SPATA33: variants seen among roughly 807,000 people sequenced by gnomAD.
SPATA33 encodes spermatogenesis-associated protein 33.
A neutral mutation model predicts 8.9 loss-of-function variants in SPATA33; 10 were observed. That is an observed-to-expected ratio of 1.12 (90% CI 0.69 to 1.90). The LOEUF is 1.90. SPATA33 is among the 40% of genes most tolerant of loss of function. The pLI is 0.00. For synonymous variants in SPATA33, 96 were observed against 72.8 expected, an observed-to-expected ratio of 1.32 and a Z score of -1.63; for missense variants, 241 against 178.3, an observed-to-expected ratio of 1.35 and a Z score of -2.00.
chr16:89,658,153 C>T, intron 1 of SPATA33, 95 bp from the exon 2 acceptor site: 1 of 1,568,702 alleles, frequency 6.4e-7, no homozygotes, highest in East Asian at 2.2e-5. Context: ...TTGAAGCCAG[C>T]TTATTCTGGA....
chr16:89,668,773 C>T (rs981267716), intron 2 of SPATA33, among the ~76,000 whole-genome samples: 8 of 152,250 alleles, frequency 5.3e-5, no homozygotes, highest in Non-Finnish European at 8.8e-5. Flanking sequence ...TTGTACGTGG[C>T]AACGCTCGGC....
At chr16:89,660,357 A>G in intron 2 of SPATA33, 1 of 655,624 alleles carries the variant, frequency 1.5e-6, no homozygotes, top group East Asian at 3.4e-5. Context: ...GAAGCATGGG[A>G]GTGGGCAGGA....
At chr16:89,665,812 G>A (rs1048448155) in intron 2 of SPATA33, among the ~76,000 whole-genome samples, 5 of 152,188 alleles carry the variant, frequency 3.3e-5, no homozygotes, top group South Asian at 4.2e-4. Context: ...CAAGTGTAGT[G>A]ATTCACGCCT....
chr16:89,669,252 C>A, intron 2 of SPATA33, 34 bp from the exon 3 acceptor site: 1 of 1,598,974 alleles, frequency 6.3e-7, no homozygotes, highest in Non-Finnish European at 8.6e-7. Context: ...GCTTTCCACA[C>A]ATCTACTAAA....
chr16:89,660,616 CTGAG>C (rs2151526307), intron 2 of SPATA33: 2 of 1,138,640 alleles, frequency 1.8e-6, no homozygotes, highest in African/African-American at 1.6e-5. Flanking sequence ...AGGTGGGACA[CTGAG>C]TGAGACAAGC....
At chr16:89,659,596 C>T (rs1268454559) in intron 2 of SPATA33, 1 of 152,212 alleles carries the variant, frequency 6.6e-6, no homozygotes, top group Non-Finnish European at 1.5e-5. Context: ...ATTGCTCGAA[C>T]CTTGAACCGG....
intron 2 of SPATA33, chr16:89,658,643 A>G (rs1730239490): frequency 1.6e-6 from 1 of 626,162 alleles, no homozygotes; most frequent in Non-Finnish European, 2.7e-6. Context: ...TTCCCGAGTG[A>G]TAAGTGCGTA....
chr16:89,658,210 G>A, intron 1 of SPATA33, 38 bp from the exon 2 acceptor site: 6 of 1,611,208 alleles, frequency 3.7e-6, no homozygotes, highest in Middle Eastern at 1.7e-4. Flanking sequence ...CCTGCATTCG[G>A]TAAGTCCCGG....
intron 2 of SPATA33, among the ~76,000 whole-genome samples, chr16:89,666,904 C>T (rs950070769): frequency 1.3e-5 from 2 of 152,212 alleles, no homozygotes; most frequent in Non-Finnish European, 2.9e-5. Context: ...TAATTTGCTA[C>T]TGCTATCTAA....
At chr16:89,665,087 C>G (rs1242856279) in intron 2 of SPATA33, among the ~76,000 whole-genome samples, 7 of 152,062 alleles carry the variant, frequency 4.6e-5, no homozygotes, top group Non-Finnish European at 8.8e-5. Context: ...TCTTGACGTT[C>G]TGGGCTCAAA....
chr16:89,662,312 C>T (rs1406034813), intron 2 of SPATA33, among the ~76,000 whole-genome samples: 1 of 150,896 alleles, frequency 6.6e-6, no homozygotes, highest in Non-Finnish European at 1.5e-5. Flanking sequence ...AAAAGATACT[C>T]AGGAAAAAAA....
intron 2 of SPATA33, chr16:89,660,574 G>C: frequency 1.6e-6 from 2 of 1,230,228 alleles, no homozygotes; most frequent in Non-Finnish European, 2.0e-6. Flanking sequence ...GCAGGCTGCT[G>C]ACTCCCTTGC....
Position 89,662,781 on chromosome 16 carries a change from C to G in SPATA33, c.211+4360C>G, listed in dbSNP as rs376217708. 4.0e-5 allele frequency among the ~76,000 whole-genome samples: 6 copies of G among 149,644 alleles called. No homozygotes were observed. In the East Asian group the frequency reaches 1.0e-3, roughly 26 times the overall value. ...CCACCACGCCCAGCCTGTTTGAACACTTTTGTGACGTTTTGTTGTTTGTTT... is the reference window on the plus strand; with the variant it reads ...CCACCACGCCCAGCCTGTTTGAACAGTTTTGTGACGTTTTGTTGTTTGTTT... On this transcript the variant is annotated intron_variant, in intron 2 of 2. Coordinates refer to ENST00000579310, the MANE Select transcript of SPATA33 (RefSeq NM_001271907.2).
chr16:89,666,896 A>C (rs2060033544), intron 2 of SPATA33, among the ~76,000 whole-genome samples: 1 of 152,214 alleles, frequency 6.6e-6, no homozygotes, highest in Admixed American at 6.5e-5. Flanking sequence ...ACTTTCACTA[A>C]TTTGCTACTG....
At chr16:89,661,539 A>T (rs766305586) in intron 2 of SPATA33, 2 of 152,250 alleles carry the variant, frequency 1.3e-5, no homozygotes, top group African/African-American at 2.4e-5. Context: ...TATTAGCAGC[A>T]TGAAAACGGA....
intron 2 of SPATA33, among the ~76,000 whole-genome samples, chr16:89,666,604 GAC>G (rs2060028771): frequency 6.6e-6 from 1 of 152,186 alleles, no homozygotes; most frequent in African/African-American, 2.4e-5. Context: ...TAGAAATAAA[GAC>G]ACAAGGCAAA....
intron 1 of SPATA33, 115 bp downstream of exon 1, chr16:89,658,063 G>T (rs980683078): frequency 6.8e-7 from 1 of 1,462,524 alleles, no homozygotes. Context: ...GGCCCGGTGC[G>T]AACCGTTCCT....
intron 2 of SPATA33, among the ~76,000 whole-genome samples, chr16:89,663,648 CTG>C (rs1359111468): frequency 2.0e-5 from 3 of 151,670 alleles, no homozygotes; most frequent in Admixed American, 1.3e-4. Context: ...GTGAGGGGGT[CTG>C]TGAAGGGCAG....
chr16:89,668,380 C>T (rs16965913), intron 2 of SPATA33, among the ~76,000 whole-genome samples: 57,342 of 152,148 alleles, frequency 0.38, 11,791 homozygotes, highest in African/African-American at 0.52. Context: ...ACCTCGCATC[C>T]AGGTTCGTGA....
Sources: gnomAD v4.1 joint callset for allele counts (sites outside exome capture counted in the v4.1 genomes callset) on GRCh38, gnomAD v4.1.1 for gene constraint, MANE v1.5 for transcripts, NCBI Gene and HGNC (gene_info 2026-07-23, HGNC 2026-07-21) for gene names.